XPR1: variants seen among roughly 807,000 people sequenced by gnomAD.
XPR1 encodes xenotropic and polytropic retrovirus receptor 1.
A neutral mutation model predicts 87.5 loss-of-function variants in XPR1; 28 were observed. The observed-to-expected ratio is 0.32, with a 90% CI of 0.24 to 0.44. XPR1 has a LOEUF of 0.44. Ranked by LOEUF, XPR1 falls within the 20% of genes least tolerant of loss-of-function variation. The probability of loss-of-function intolerance (pLI) is 1.00; values close to 1 mark genes in which losing one functional copy is unlikely to be tolerated. For synonymous variants in XPR1, 300 were observed against 306.1 expected (o/e 0.98, Z 0.21); for missense variants, 559 against 862.3 (o/e 0.65, Z 4.41).
rs183683270 is a variant in XPR1 at position 180,889,404 on chromosome 1, A to G, written c.*5338A>G. The G allele has an allele frequency of 7.4e-4, 112 of 152,350 alleles. No homozygotes were observed. The highest frequency in any genetic ancestry group is 2.6e-3 in the African/African-American group (107 of 41,588). 9.4% of individuals were successfully genotyped at this position (152,350 alleles called of 1,614,324 possible). On this transcript the variant is annotated 3_prime_UTR_variant, in exon 15 of 15. Transcript: ENST00000367590. ...CCTTTCCTCTGTGCCACCACAAATCAGAGGGAAAGACTGCAGTACTTCTAG... is the reference window on the plus strand; with the variant it reads ...CCTTTCCTCTGTGCCACCACAAATCGGAGGGAAAGACTGCAGTACTTCTAG...
intron 1 of XPR1, among the ~76,000 whole-genome samples, chr1:180,644,154 C>A (rs1375140957): frequency 6.6e-6 from 1 of 152,074 alleles, no homozygotes; most frequent in Non-Finnish European, 1.5e-5. Flanking sequence ...TACGTTTTTC[C>A]TGTCACCAAG....
At chr1:180,688,690 C>G (rs753748245) in intron 2 of XPR1, among the ~76,000 whole-genome samples, 4 of 152,150 alleles carry the variant, frequency 2.6e-5, no homozygotes, top group Non-Finnish European at 5.9e-5. Flanking sequence ...ACAATTCTTA[C>G]ATATAGTACC....
chr1:180,856,056 C>G (rs1317516678), intron 11 of XPR1, among the ~76,000 whole-genome samples: 1 of 152,134 alleles, frequency 6.6e-6, no homozygotes, highest in African/African-American at 2.4e-5. Context: ...AAAAGATTTC[C>G]CTTACCTCAT....
chr1:180,876,635 CAAAAA>C (rs532038656), intron 13 of XPR1, among the ~76,000 whole-genome samples: 1 of 108,126 alleles, frequency 9.2e-6, no homozygotes, highest in Non-Finnish European at 2.0e-5. Flanking sequence ...GACCCTGTCT[CAAAAA>C]AAAAAAAAGA....
intron 4 of XPR1, among the ~76,000 whole-genome samples, chr1:180,804,776 T>G (rs1018384981): frequency 1.5e-4 from 23 of 152,156 alleles, no homozygotes; most frequent in Non-Finnish European, 2.9e-5. Context: ...AACAATTTAG[T>G]AGAAAAATAA....
chr1:180,728,714 AT>A (rs1461884532), intron 2 of XPR1, among the ~76,000 whole-genome samples: 3 of 152,250 alleles, frequency 2.0e-5, no homozygotes, highest in Non-Finnish European at 4.4e-5. Flanking sequence ...CTTGCTCAGT[AT>A]TCCAAAGCTT....
At chr1:180,758,438 G>A (rs1647849182) in intron 2 of XPR1, among the ~76,000 whole-genome samples, 1 of 152,176 alleles carries the variant, frequency 6.6e-6, no homozygotes, top group Non-Finnish European at 1.5e-5. Flanking sequence ...ACCAGCCATG[G>A]TTGCTCATGC....
At chr1:180,872,825 C>G (rs1237148663) in intron 12 of XPR1, among the ~76,000 whole-genome samples, 2 of 152,032 alleles carry the variant, frequency 1.3e-5, no homozygotes, top group African/African-American at 2.4e-5. Context: ...TCCTATTCGG[C>G]CATCTTGGCT....
intron 2 of XPR1, among the ~76,000 whole-genome samples, chr1:180,718,691 C>T (rs1364969209): frequency 7.3e-6 from 1 of 136,078 alleles, no homozygotes; most frequent in African/African-American, 2.8e-5. Context: ...TTTTTTGAGA[C>T]AGAGTCTCAC....
chr1:180,735,784 G>A (rs1418438053), intron 2 of XPR1, among the ~76,000 whole-genome samples: 1 of 152,110 alleles, frequency 6.6e-6, no homozygotes, highest in Non-Finnish European at 1.5e-5. Context: ...TGTAATCCAC[G>A]TTATAGTAAA....
intron 2 of XPR1, among the ~76,000 whole-genome samples, chr1:180,695,290 T>G (rs892542059): frequency 6.6e-5 from 10 of 152,228 alleles, no homozygotes; most frequent in African/African-American, 2.4e-4. Flanking sequence ...TTCTGGATAC[T>G]ATTTGCTTTT....
intron 11 of XPR1, among the ~76,000 whole-genome samples, chr1:180,849,719 G>A (rs138793758): frequency 7.6e-4 from 115 of 152,302 alleles, no homozygotes; most frequent in African/African-American, 2.7e-3. Flanking sequence ...GAGAGTGTGG[G>A]CTTTGGATCA....
rs114185091 is a variant in XPR1 at position 180,864,136 on chromosome 1, A to G, written c.1668+262A>G. ...TGTTCAGATAAGTAAACAAATTGCA[A>G]TACAATGCGATAAAGACTGGAATGG... On this transcript the variant is annotated intron_variant, in intron 12 of 14. Coordinates refer to ENST00000367590, the MANE Select transcript of XPR1 (RefSeq NM_004736.4). 0.016 allele frequency among the ~76,000 whole-genome samples: 2,415 copies of G among 152,296 alleles called. 75 individuals carry two copies. The highest frequency in any genetic ancestry group is 0.056 in the African/African-American group (2,313 of 41,568).
At chr1:180,713,847 CTTGTT>C (rs1657889021) in intron 2 of XPR1, among the ~76,000 whole-genome samples, 1 of 151,906 alleles carries the variant, frequency 6.6e-6, no homozygotes, top group African/African-American at 2.4e-5. Flanking sequence ...ATGTCTTTGT[CTTGTT>C]TTGGTATCAG....
chr1:180,808,126 A>C (rs1164702898), intron 6 of XPR1, among the ~76,000 whole-genome samples: 3 of 152,242 alleles, frequency 2.0e-5, no homozygotes, highest in African/African-American at 7.2e-5. Context: ...GAGTGTGGTA[A>C]TAGTGTCATG....
intron 2 of XPR1, among the ~76,000 whole-genome samples, chr1:180,774,811 CTT>C (rs1474362087): frequency 2.0e-5 from 3 of 152,132 alleles, no homozygotes; most frequent in Non-Finnish European, 4.4e-5. Flanking sequence ...TAACAAAATA[CTT>C]TAGTCTGGGT....
At chr1:180,692,945 C>T (rs1206030543) in intron 2 of XPR1, among the ~76,000 whole-genome samples, 13 of 152,076 alleles carry the variant, frequency 8.5e-5, no homozygotes, top group Non-Finnish European at 1.8e-4. Context: ...TAAAATATTT[C>T]ATCACCTGTA....
At chr1:180,696,374 G>C (rs1221993417) in intron 2 of XPR1, among the ~76,000 whole-genome samples, 1 of 151,750 alleles carries the variant, frequency 6.6e-6, no homozygotes, top group Non-Finnish European at 1.5e-5. Context: ...TGGTGGAATT[G>C]TTAGGTTTTT....
chr1:180,676,455 A>C (rs1173659387), intron 1 of XPR1, among the ~76,000 whole-genome samples: 1 of 152,100 alleles, frequency 6.6e-6, no homozygotes. Context: ...CTTTCTCGTT[A>C]CATTTTTCTG....
Sources: allele counts gnomAD v4.1 joint callset (sites outside exome capture counted in the v4.1 genomes callset), GRCh38; gene constraint gnomAD v4.1.1; transcripts MANE v1.5; gene names NCBI Gene and HGNC (gene_info 2026-07-23, HGNC 2026-07-21).